CAMK1D: variants seen among roughly 807,000 people sequenced by gnomAD.
CAMK1D encodes the protein calcium/calmodulin dependent protein kinase ID.
CAMK1D carries 9 observed loss-of-function variants against 47.7 expected under a neutral mutation model. The observed-to-expected ratio is 0.19, with a 90% CI of 0.11 to 0.33. The LOEUF (loss-of-function observed/expected upper bound fraction) is 0.33, where lower values mean the gene tolerates loss of function less well. Among genes scored for constraint, CAMK1D ranks in the 10% least tolerant of loss-of-function variants. The probability of loss-of-function intolerance (pLI) is 1.00; values close to 1 mark genes in which losing one functional copy is unlikely to be tolerated. For missense variants in CAMK1D, 291 were observed against 488.7 expected (o/e 0.60, Z 3.81); for synonymous variants, 184 against 184.9 (o/e 0.99, Z 0.04).
intron 1 of CAMK1D, among the ~76,000 whole-genome samples, chr10:12,484,869 C>A (rs1227897739): frequency 6.6e-6 from 1 of 152,016 alleles, no homozygotes; most frequent in African/African-American, 2.4e-5. Flanking sequence ...CATGGGAGGG[C>A]AGGTGTGATG....
At chr10:12,542,782 G>T (rs577837527) in intron 1 of CAMK1D, among the ~76,000 whole-genome samples, 1 of 151,936 alleles carries the variant, frequency 6.6e-6, no homozygotes, top group South Asian at 2.1e-4. Flanking sequence ...TCGCTCTGTC[G>T]CCCAGGCTGG....
At chr10:12,525,620 G>C (rs1174657576) in intron 1 of CAMK1D, among the ~76,000 whole-genome samples, 4 of 152,034 alleles carry the variant, frequency 2.6e-5, no homozygotes, top group Non-Finnish European at 4.4e-5. Context: ...CATTTCAACA[G>C]TGTTCCCACT....
intron 1 of CAMK1D, among the ~76,000 whole-genome samples, chr10:12,384,726 A>G (rs542285199): frequency 1.6e-4 from 24 of 152,218 alleles, no homozygotes; most frequent in Non-Finnish European, 2.9e-4. Context: ...CTAAAACTAT[A>G]AAACTCTTAG....
intron 3 of CAMK1D, among the ~76,000 whole-genome samples, chr10:12,691,552 C>T (rs58227987): frequency 0.31 from 46,120 of 149,920 alleles, 7,878 homozygotes; most frequent in South Asian, 0.54. Flanking sequence ...CCTGCCTCAG[C>T]CTCCCAAGTA....
rs573100668 is a variant in CAMK1D at position 12,807,566 on chromosome 10, G to A, written c.642-6629G>A. Among the ~76,000 whole-genome samples the A allele has an allele frequency of 1.3e-3, 195 of 152,298 alleles. 1 individual carries two copies. Among genetic ancestry groups the A allele is most frequent in the Middle Eastern group, 6.8e-3 (2 of 294 alleles). The stretch of plus-strand genomic sequence containing the variant: ...TGCCTTCAAAGAACTGCCTGGAGCC[G>A]CCTCTCTGAGCAGGCAGCGTCCACT... On this transcript the variant is annotated intron_variant, in intron 6 of 10. Transcript: ENST00000619168.
chr10:12,659,931 T>C lies in CAMK1D; in HGVS notation c.225-6805T>C, dbSNP rs577137356. On this transcript the variant is annotated intron_variant, in intron 2 of 10. Coordinates refer to ENST00000619168, the MANE Select transcript of CAMK1D (RefSeq NM_153498.4). Reference sequence around the variant, plus strand: ...CGGACCGGAAGCTGATTGCGGCTCGTTGACGTAACTTTCTCCTTGCACATT... The same window carrying C: ...CGGACCGGAAGCTGATTGCGGCTCGCTGACGTAACTTTCTCCTTGCACATT... Among the ~76,000 whole-genome samples, 6 of 152,330 alleles carry C rather than the reference T, an allele frequency of 3.9e-5. 1 individual carries two copies. The highest frequency in any genetic ancestry group is 1.4e-4 in the African/African-American group (6 of 41,584).
intron 3 of CAMK1D, among the ~76,000 whole-genome samples, chr10:12,672,504 G>C (rs1840656559): frequency 6.6e-6 from 1 of 151,940 alleles, no homozygotes; most frequent in Non-Finnish European, 1.5e-5. Context: ...AAGTAGCTGG[G>C]ATTACAGGCA....
At chr10:12,375,023 C>G (rs1838135213) in intron 1 of CAMK1D, among the ~76,000 whole-genome samples, 2 of 151,818 alleles carry the variant, frequency 1.3e-5, no homozygotes, top group Admixed American at 1.3e-4. Flanking sequence ...TCTTGAACTC[C>G]TGGCCTCAAG....
intron 1 of CAMK1D, among the ~76,000 whole-genome samples, chr10:12,531,796 T>C (rs1321029575): frequency 6.6e-6 from 1 of 152,260 alleles, no homozygotes; most frequent in Admixed American, 6.5e-5. Flanking sequence ...ATGTTCTCTC[T>C]GGGTTGGTCA....
At chr10:12,636,643 G>T (rs572328171) in intron 2 of CAMK1D, among the ~76,000 whole-genome samples, 22 of 152,048 alleles carry the variant, frequency 1.4e-4, no homozygotes, top group African/African-American at 5.3e-4. Context: ...TGCAGTTTTC[G>T]CCAATGAGGA....
At chr10:12,523,518 G>A (rs12768604) in intron 1 of CAMK1D, among the ~76,000 whole-genome samples, 76,437 of 150,696 alleles carry the variant, frequency 0.51, 19,603 homozygotes, top group South Asian at 0.62. Context: ...CGAGGCTGGC[G>A]GATCACTCGC....
intron 1 of CAMK1D, among the ~76,000 whole-genome samples, chr10:12,508,646 T>C (rs1250791419): frequency 6.6e-6 from 1 of 152,216 alleles, no homozygotes; most frequent in Non-Finnish European, 1.5e-5. Flanking sequence ...TGGTAAATTT[T>C]ATGTGACATA....
In CAMK1D at chr10:12,441,643, C is replaced by A. The variant is rs547518954; in HGVS notation, c.92+91733C>A. ...GCCTGGCCAACACGGTGAAACCCTG[C>A]CTCTACTTAAAAAAAAAATTTTCTG... On this transcript the variant is annotated intron_variant, in intron 1 of 10. Coordinates refer to ENST00000619168, the MANE Select transcript of CAMK1D (RefSeq NM_153498.4). Among the ~76,000 whole-genome samples, 126 of 151,882 alleles carry A rather than the reference C, an allele frequency of 8.3e-4. 1 individual carries two copies. Among genetic ancestry groups the A allele is most frequent in the African/African-American group, 2.8e-3 (117 of 41,424 alleles).
In CAMK1D at chr10:12,631,688, C is replaced by CTT. The variant is rs58291909; in HGVS notation, c.225-35035_225-35034dup. 3.7e-3 allele frequency among the ~76,000 whole-genome samples: 539 copies of CTT among 144,180 alleles called. 2 individuals carry two copies. The highest frequency in any genetic ancestry group is 1.0e-2 in the African/African-American group (390 of 39,134). 94.6% of individuals were successfully genotyped at this position (144,180 alleles called of 152,430 possible). On this transcript the variant is annotated intron_variant, in intron 2 of 10. Transcript: ENST00000619168. Reference sequence around the variant, plus strand: ...GAGATCACTTGTTCCCACGTTAATCCTTTTTTTTTTTTTTGGTGACATCAA... The same window carrying CTT: ...GAGATCACTTGTTCCCACGTTAATCCTTTTTTTTTTTTTTTTGGTGACATCAA...
intron 3 of CAMK1D, among the ~76,000 whole-genome samples, chr10:12,701,258 A>G (rs1322817877): frequency 6.6e-6 from 1 of 152,120 alleles, no homozygotes; most frequent in Non-Finnish European, 1.5e-5. Flanking sequence ...GATCTCATAC[A>G]TTATTCTTTA....
intron 5 of CAMK1D, among the ~76,000 whole-genome samples, chr10:12,777,474 G>A (rs939885073): frequency 2.1e-5 from 3 of 145,606 alleles, no homozygotes; most frequent in Non-Finnish European, 4.5e-5. Context: ...CTGGGTTCAA[G>A]CGATTGTCCT....
At chr10:12,739,492 T>C (rs982001405) in intron 3 of CAMK1D, among the ~76,000 whole-genome samples, 5 of 149,616 alleles carry the variant, frequency 3.3e-5, no homozygotes, top group Non-Finnish European at 4.4e-5. Context: ...TGTTTCACCA[T>C]GTTGGCCAGG....
At position 12,598,446 on chromosome 10, in the gene CAMK1D, A is replaced by G. The variant is rs1370845772; in HGVS notation, c.224+45090A>G. Among the ~76,000 whole-genome samples the G allele has an allele frequency of 5.3e-5, 8 of 152,320 alleles. No individual in the cohort carries two copies. In the East Asian group the frequency reaches 1.2e-3, roughly 22 times the overall value. On this transcript the variant is annotated intron_variant, in intron 2 of 10. Transcript: ENST00000619168. ...GCTCTCTAGAGTAGTTTAAACTACT[A>G]TTTCTTGAGTACTTACTATGTACTG...
At chr10:12,351,790 C>T (rs1000408267) in intron 1 of CAMK1D, among the ~76,000 whole-genome samples, 1 of 152,200 alleles carries the variant, frequency 6.6e-6, no homozygotes, top group Non-Finnish European at 1.5e-5. Flanking sequence ...GCCTCTTGGA[C>T]TCCAGCCATG....
Sources: gnomAD v4.1 joint callset for allele counts (sites outside exome capture counted in the v4.1 genomes callset) on GRCh38, gnomAD v4.1.1 for gene constraint, MANE v1.5 for transcripts, NCBI Gene and HGNC (gene_info 2026-07-23, HGNC 2026-07-21) for gene names.